NEK11: variants seen among roughly 807,000 people sequenced by gnomAD.
The protein encoded by NEK11 is serine/threonine-protein kinase Nek11.
Under a neutral mutation model 80.7 loss-of-function variants are expected in NEK11, and 72 were observed. The ratio of observed to expected loss-of-function variants is 0.89; its 90% CI spans 0.74 to 1.08. The LOEUF is 1.08. NEK11 is among the 50% of genes least tolerant of loss of function. The pLI, the probability that NEK11 is intolerant of heterozygous loss-of-function variation, is 0.00. For synonymous variants in NEK11, 251 were observed against 260.7 expected (o/e 0.96, Z 0.36); for missense variants, 764 against 763.6 (o/e 1.00, Z -0.01).
At chr3:131,056,523 C>T (rs1052567143) in intron 3 of NEK11, among the ~76,000 whole-genome samples, 1 of 152,158 alleles carries the variant, frequency 6.6e-6, no homozygotes, top group Non-Finnish European at 1.5e-5. Flanking sequence ...CTGGGGAGCT[C>T]ATGGTTCTGA....
At chr3:131,342,212 C>A (rs1350082957) in intron 17 of NEK11, among the ~76,000 whole-genome samples, 1 of 152,150 alleles carries the variant, frequency 6.6e-6, no homozygotes, top group Non-Finnish European at 1.5e-5. Context: ...TCTTTGCCCA[C>A]CTGATTCAGA....
At chr3:131,204,834 G>T (rs1218558777) in intron 14 of NEK11, among the ~76,000 whole-genome samples, 1 of 152,056 alleles carries the variant, frequency 6.6e-6, no homozygotes, top group Non-Finnish European at 1.5e-5. Context: ...CTTTTTCATT[G>T]TTTGCAGCAT....
intron 16 of NEK11, among the ~76,000 whole-genome samples, chr3:131,259,321 G>T (rs1181296504): frequency 1.3e-5 from 2 of 152,192 alleles, no homozygotes; most frequent in African/African-American, 4.8e-5. Context: ...AGTGGCTTCT[G>T]CCCTGTACCA....
At chr3:131,059,757 C>G (rs1202555970) in intron 3 of NEK11, among the ~76,000 whole-genome samples, 1 of 152,206 alleles carries the variant, frequency 6.6e-6, no homozygotes, top group African/African-American at 2.4e-5. Flanking sequence ...TCTTGCACCT[C>G]TTTCAGAGAA....
chr3:131,320,522 A>G (rs1233777513), intron 17 of NEK11, among the ~76,000 whole-genome samples: 5 of 120,272 alleles, frequency 4.2e-5, no homozygotes, highest in Non-Finnish European at 8.0e-5. Flanking sequence ...AAGAGGAGGG[A>G]GAGAGAGAGA....
At chr3:131,154,554 G>A (rs563738142) in intron 9 of NEK11, among the ~76,000 whole-genome samples, 1 of 152,212 alleles carries the variant, frequency 6.6e-6, no homozygotes, top group East Asian at 1.9e-4. Flanking sequence ...TTTTGCTATT[G>A]TATTCTTTAT....
chr3:131,311,139 A>G (rs1446923609), intron 17 of NEK11, among the ~76,000 whole-genome samples: 1 of 152,140 alleles, frequency 6.6e-6, no homozygotes, highest in Admixed American at 6.5e-5. Flanking sequence ...ACCGATGCAT[A>G]ATATTTATAC....
intron 17 of NEK11, among the ~76,000 whole-genome samples, chr3:131,274,773 C>A (rs2096265477): frequency 4.0e-5 from 6 of 150,740 alleles, no homozygotes; most frequent in Admixed American, 4.0e-4. Flanking sequence ...CCTGCCTCAG[C>A]CTCCCGAGTA....
intron 14 of NEK11, among the ~76,000 whole-genome samples, chr3:131,224,701 C>A (rs1301951114): frequency 6.6e-6 from 1 of 151,998 alleles, no homozygotes; most frequent in Non-Finnish European, 1.5e-5. Flanking sequence ...TGTAGTGGGA[C>A]AAGATGTGGA....
chr3:131,080,679 C>T (rs2075121732), intron 4 of NEK11, 91 bp downstream of exon 4: 4 of 1,094,260 alleles, frequency 3.7e-6, no homozygotes, highest in Non-Finnish European at 5.2e-6. Context: ...GTCCAATTAT[C>T]ACACCATAAA....
intron 14 of NEK11, among the ~76,000 whole-genome samples, chr3:131,205,018 T>C (rs1399427424): frequency 6.6e-6 from 1 of 152,058 alleles, no homozygotes; most frequent in East Asian, 1.9e-4. Context: ...TTTAAGATGA[T>C]ATATAAAAGG....
intron 17 of NEK11, among the ~76,000 whole-genome samples, chr3:131,326,741 G>A (rs2096973315): frequency 6.6e-6 from 1 of 152,166 alleles, no homozygotes; most frequent in Non-Finnish European, 1.5e-5. Context: ...GAGCAAAGGG[G>A]ACTTACACAC....
At chr3:131,132,652 T>C (rs983097854) in intron 5 of NEK11, 93 bp from the exon 6 acceptor site, 5 of 657,318 alleles carry the variant, frequency 7.6e-6, no homozygotes, top group Non-Finnish European at 1.3e-5. Context: ...TATATTTATG[T>C]GTAAATCATG....
intron 15 of NEK11, among the ~76,000 whole-genome samples, chr3:131,241,808 A>C (rs2095523504): frequency 6.6e-6 from 1 of 152,132 alleles, no homozygotes; most frequent in Non-Finnish European, 1.5e-5. Flanking sequence ...TGAAATATCT[A>C]AGAGATAGAT....
intron 10 of NEK11, among the ~76,000 whole-genome samples, chr3:131,160,637 G>A (rs2091414533): frequency 6.6e-6 from 1 of 152,172 alleles, no homozygotes. Context: ...ACAGTGTCGA[G>A]TTGGATAAAG....
chr3:131,129,183 T>C (rs1249482031), intron 5 of NEK11, among the ~76,000 whole-genome samples: 1 of 151,222 alleles, frequency 6.6e-6, no homozygotes, highest in African/African-American at 2.4e-5. Context: ...CCCAAGTAGC[T>C]GGGACTACAG....
At chr3:131,108,854 C>T (rs569197628) in intron 4 of NEK11, among the ~76,000 whole-genome samples, 5 of 152,140 alleles carry the variant, frequency 3.3e-5, no homozygotes, top group Admixed American at 6.6e-5. Flanking sequence ...CATCCCAATG[C>T]GCATGGTACC....
intron 5 of NEK11, among the ~76,000 whole-genome samples, chr3:131,128,527 T>C (rs565868476): frequency 6.6e-6 from 1 of 152,366 alleles, no homozygotes; most frequent in Non-Finnish European, 1.5e-5. Context: ...ATTGTGTGAA[T>C]GTACCATGGT....
At chr3:131,299,642 C>G (rs185910298) in intron 17 of NEK11, among the ~76,000 whole-genome samples, 1 of 152,266 alleles carries the variant, frequency 6.6e-6, no homozygotes, top group Admixed American at 6.5e-5. Flanking sequence ...GTTTTCTATT[C>G]CTGTGTTAGC....
Sources: allele counts gnomAD v4.1 joint callset (sites outside exome capture counted in the v4.1 genomes callset), GRCh38; gene constraint gnomAD v4.1.1; transcripts MANE v1.5; gene names NCBI Gene and HGNC (gene_info 2026-07-23, HGNC 2026-07-21).